The following HERPUD2 variants were observed in gnomAD, a reference collection of about 807,000 sequenced individuals.
HERPUD2 encodes homocysteine-responsive endoplasmic reticulum-resident ubiquitin-like domain member 2 protein.
A neutral mutation model predicts 49.9 loss-of-function variants in HERPUD2; 13 were observed. The observed-to-expected ratio is 0.26, with a 90% CI of 0.17 to 0.41. HERPUD2 has a LOEUF of 0.41. HERPUD2 is among the 10% of genes least tolerant of loss of function. The pLI, the probability that HERPUD2 is intolerant of heterozygous loss-of-function variation, is 1.00. For synonymous variants in HERPUD2, 172 were observed against 171.4 expected (o/e 1.00, Z -0.03); for missense variants, 449 against 492.2 (o/e 0.91, Z 0.83).
At chr7:35,660,824 A>T (rs895498951) in intron 5 of HERPUD2, among the ~76,000 whole-genome samples, 1 of 152,180 alleles carries the variant, frequency 6.6e-6, no homozygotes, top group African/African-American at 2.4e-5. Flanking sequence ...CCCATTCCGT[A>T]GGTTGCCTGT....
In HERPUD2 at chr7:35,638,443, G is replaced by A. The variant is rs1204475575; in HGVS notation, c.524C>T (p.Ala175Val). 3 of 1,613,410 alleles carry A rather than the reference G, an allele frequency of 1.9e-6. No homozygotes were observed. The highest frequency in any genetic ancestry group is 2.5e-6 in the Non-Finnish European group (3 of 1,179,584). The part of the protein sequence containing the change: ...GNVDNQFPGQ[A>V]APPGFPVYPA... ...ATACACTGGGAATCCAGGTGGAGCAGCTTGCCCAGGAAATTGGTTGTCTAC... is the reference window on the plus strand; with the variant it reads ...ATACACTGGGAATCCAGGTGGAGCAACTTGCCCAGGAAATTGGTTGTCTAC... Residue 175 changes from alanine (A) to valine (V), a missense_variant, in exon 6 of 9, where the codon GCT becomes GTT. Physicochemically the swap from Ala to Val is moderately conservative, Grantham distance 64. Transcript: ENST00000311350.
chr7:35,653,774 A>G (rs1316961502), intron 5 of HERPUD2, among the ~76,000 whole-genome samples: 1 of 150,756 alleles, frequency 6.6e-6, no homozygotes, highest in Non-Finnish European at 1.5e-5. Flanking sequence ...AAACTGTACA[A>G]AATACATGGA....
intron 2 of HERPUD2, among the ~76,000 whole-genome samples, chr7:35,673,916 G>A (rs1465633105): frequency 1.3e-5 from 2 of 152,108 alleles, no homozygotes; most frequent in Non-Finnish European, 2.9e-5. Flanking sequence ...AGTGCATGGA[G>A]AGTCAGTTGC....
intron 5 of HERPUD2, 50 bp downstream of exon 5, chr7:35,667,382 TCA>T: frequency 6.5e-7 from 1 of 1,537,646 alleles, no homozygotes. Context: ...CAAAAGCAAT[TCA>T]TTTTTAGGGG....
intron 2 of HERPUD2, among the ~76,000 whole-genome samples, chr7:35,682,180 A>T (rs1160007401): frequency 1.3e-5 from 2 of 150,710 alleles, no homozygotes; most frequent in Non-Finnish European, 3.0e-5. Context: ...CTGGGACTAC[A>T]GGCATGCGTT....
At chr7:35,634,459 T>C (rs750509954) in intron 7 of HERPUD2, 30 bp from the exon 8 acceptor site, 2 of 1,348,354 alleles carry the variant, frequency 1.5e-6, no homozygotes, top group African/African-American at 1.4e-5. Context: ...GAAAATAAAA[T>C]AAGTCACAGT....
chr7:35,649,042 G>C (rs1206162071), intron 5 of HERPUD2, among the ~76,000 whole-genome samples: 1 of 152,122 alleles, frequency 6.6e-6, no homozygotes, highest in Non-Finnish European at 1.5e-5. Context: ...ACAAGGTCAG[G>C]AGATCAAGAC....
chr7:35,644,551 T>C (rs1583540766), intron 5 of HERPUD2, among the ~76,000 whole-genome samples: 1 of 152,156 alleles, frequency 6.6e-6, no homozygotes, highest in South Asian at 2.1e-4. Flanking sequence ...GTGGATTGCT[T>C]GAGCTCAGGA....
intron 6 of HERPUD2, among the ~76,000 whole-genome samples, chr7:35,637,734 C>T (rs1445958348): frequency 5.9e-5 from 9 of 152,042 alleles, no homozygotes; most frequent in Admixed American, 5.9e-4. Flanking sequence ...ACGTGATGAA[C>T]TGAGAAAGAA....
chr7:35,650,098 C>T (rs534369664), intron 5 of HERPUD2, among the ~76,000 whole-genome samples: 1 of 152,220 alleles, frequency 6.6e-6, no homozygotes, highest in Non-Finnish European at 1.5e-5. Flanking sequence ...AGAGAGGCTT[C>T]ATGACGGCTA....
In HERPUD2 at chr7:35,679,530, C is replaced by T. The variant is rs1785834499; in HGVS notation, c.148-6252G>A. 3.9e-5 allele frequency among the ~76,000 whole-genome samples: 6 copies of T among 152,182 alleles called. No individual in the cohort carries two copies. The South Asian group carries it at 1.2e-3, about 31-fold the overall frequency. Reference sequence around the variant, plus strand: ...AAAGGAGAAAGACAGACACCGCAGCCTTTATCATTTGCTTCTCTGGAAGAG... The same window carrying T: ...AAAGGAGAAAGACAGACACCGCAGCTTTTATCATTTGCTTCTCTGGAAGAG... On this transcript the variant is annotated intron_variant, in intron 2 of 8. Coordinates refer to ENST00000311350, the MANE Select transcript of HERPUD2 (RefSeq NM_022373.5).
At chr7:35,672,238 A>G (rs1372330755) in intron 3 of HERPUD2, among the ~76,000 whole-genome samples, 1 of 151,506 alleles carries the variant, frequency 6.6e-6, no homozygotes, top group Non-Finnish European at 1.5e-5. Flanking sequence ...CAATTTTGCT[A>G]TAAACCTAAA....
chr7:35,694,113 A>C, intron 2 of HERPUD2, 71 bp downstream of exon 2: 1 of 1,519,986 alleles, frequency 6.6e-7, no homozygotes, highest in Non-Finnish European at 9.1e-7. Flanking sequence ...GGGGAGAAGC[A>C]GGAAAAAGGA....
At chr7:35,655,969 T>C (rs776787582) in intron 5 of HERPUD2, among the ~76,000 whole-genome samples, 1 of 152,124 alleles carries the variant, frequency 6.6e-6, no homozygotes, top group Non-Finnish European at 1.5e-5. Flanking sequence ...GAGACCAGCC[T>C]GGCCATAATG....
Position 35,664,011 on chromosome 7 carries a change from T to C in HERPUD2, c.494+3423A>G, listed in dbSNP as rs540791229. On this transcript the variant is annotated intron_variant, in intron 5 of 8. Transcript: ENST00000311350. ...TATAGATGGTCTTTACAATTTGGCA[T>C]GTTTTTGCAGGGCTGGTACCGGTTG... is the stretch of plus-strand genomic sequence containing the variant. 2.6e-5 allele frequency among the ~76,000 whole-genome samples: 4 copies of C among 152,344 alleles called. No homozygotes were observed. The South Asian group carries it at 8.3e-4, about 32-fold the overall frequency.
At chr7:35,674,257 C>T (rs1393132734) in intron 2 of HERPUD2, among the ~76,000 whole-genome samples, 2 of 151,342 alleles carry the variant, frequency 1.3e-5, no homozygotes, top group African/African-American at 4.9e-5. Flanking sequence ...AACCATTACA[C>T]ATATTCCAGT....
At chr7:35,694,106 GA>G in intron 2 of HERPUD2, 77 bp downstream of exon 2, 1 of 1,477,422 alleles carries the variant, frequency 6.8e-7, no homozygotes, top group Non-Finnish European at 9.4e-7. Flanking sequence ...GACTGGAGGG[GA>G]GAAGCAGGAA....
chr7:35,685,615 T>C (rs1399527320), intron 2 of HERPUD2, among the ~76,000 whole-genome samples: 2 of 151,904 alleles, frequency 1.3e-5, no homozygotes, highest in Non-Finnish European at 2.9e-5. Flanking sequence ...CATGAGCCAC[T>C]GTGCCTGGCC....
chr7:35,663,165 T>C (rs1224454782), intron 5 of HERPUD2, among the ~76,000 whole-genome samples: 1 of 152,240 alleles, frequency 6.6e-6, no homozygotes, highest in Non-Finnish European at 1.5e-5. Flanking sequence ...TCAGTTTCCA[T>C]GTAGTTGAGC....
Sources: allele counts gnomAD v4.1 joint callset (sites outside exome capture counted in the v4.1 genomes callset), GRCh38; gene constraint gnomAD v4.1.1; transcripts MANE v1.5; gene names NCBI Gene and HGNC (gene_info 2026-07-23, HGNC 2026-07-21).